The following MAK16 variants were observed in gnomAD, a reference collection of about 807,000 sequenced individuals.
MAK16 encodes the protein MAK16 homolog.
In MAK16, 12 loss-of-function variants were observed where a neutral mutation model predicts 49.9. That is an observed-to-expected ratio of 0.24 (90% CI 0.15 to 0.39). MAK16 has a LOEUF of 0.39. MAK16 is among the 10% of genes least tolerant of loss of function. MAK16 has a pLI of 1.00. For missense variants in MAK16, 292 were observed against 363.7 expected (o/e 0.80, Z 1.60); for synonymous variants, 115 against 126.4 (o/e 0.91, Z 0.60).
chr8:33,489,336 T>G lies in MAK16; in HGVS notation c.392+197T>G. 1 of 524,658 alleles carries G rather than the reference T, an allele frequency of 1.9e-6. No individual in the cohort carries two copies. The highest frequency in any genetic ancestry group is 1.9e-5 in the African/African-American group (1 of 51,438). 32.5% of individuals were successfully genotyped at this position (524,658 alleles called of 1,614,324 possible). A position where few individuals can be genotyped will look rare whatever the true frequency, so the allele number is the denominator to read the frequency against. ...ACTTTTAAAACAGTAGAATACAACT[T>G]GATTATCACCCTCCTTGTCTGAAAA... On this transcript the variant is annotated intron_variant, in intron 5 of 9. Coordinates refer to ENST00000360128, the MANE Select transcript of MAK16 (RefSeq NM_032509.4). This position sits in a 1 kb window ranked among gnomAD's most constrained non-coding sequence, Gnocchi z 4.2.
At chr8:33,493,648 CT>C (rs1394527085) in intron 6 of MAK16, among the ~76,000 whole-genome samples, 1 of 152,060 alleles carries the variant, frequency 6.6e-6, no homozygotes, top group Non-Finnish European at 1.5e-5. Flanking sequence ...TATGGAGCGG[CT>C]TTTTTTCAAG....
At position 33,499,668 on chromosome 8, in the gene MAK16, A is replaced by C; in HGVS notation, c.*1039A>C. On this transcript the variant is annotated 3_prime_UTR_variant, in exon 10 of 10. Transcript: ENST00000360128. ...ATCTCTACATATTTTTAGGATATGA[A>C]TTTTTTTTTCCTGCTGGGTAGATTG... 5.6e-6 allele frequency: 1 copy of C among 179,114 alleles called. No individual in the cohort carries two copies. The highest frequency in any genetic ancestry group is 1.1e-4 in the South Asian group (1 of 8,746). The allele number at this position is 179,114 out of a possible 1,614,324, so 11.1% of individuals were successfully genotyped here.
chr8:33,500,162 A>G lies in MAK16; in HGVS notation c.*1533A>G. The G allele has an allele frequency of 1.4e-6, 1 of 710,186 alleles. No homozygotes were observed. Among genetic ancestry groups the G allele is most frequent in the East Asian group, 2.8e-5 (1 of 35,998 alleles). The allele number at this position is 710,186 out of a possible 1,614,324, so 44.0% of individuals were successfully genotyped here. ...GAATAGCTTTAAAAGATGAATAAGA[A>G]AAAAGATCAAGCTCTTTTGAGGCTA... is the stretch of plus-strand genomic sequence containing the variant. On this transcript the variant is annotated 3_prime_UTR_variant, in exon 10 of 10. Coordinates refer to ENST00000360128, the MANE Select transcript of MAK16 (RefSeq NM_032509.4).
In MAK16 at chr8:33,492,539, T is replaced by C. The variant is rs538030862; in HGVS notation, c.447+2200T>C. ...CTTGTAGTTTTGTAGTTGGAGGTCTTAGTTTTTTAATCCATTTTGGTTTGA... is the reference window on the plus strand; with the variant it reads ...CTTGTAGTTTTGTAGTTGGAGGTCTCAGTTTTTTAATCCATTTTGGTTTGA... On this transcript the variant is annotated intron_variant, in intron 6 of 9. Coordinates refer to ENST00000360128, the MANE Select transcript of MAK16 (RefSeq NM_032509.4). Among the ~76,000 whole-genome samples the C allele has an allele frequency of 1.6e-4, 24 of 152,336 alleles. No individual in the cohort carries two copies. The South Asian group carries it at 4.3e-3, about 28-fold the overall frequency.
intron 8 of MAK16, among the ~76,000 whole-genome samples, 176 bp from the exon 9 acceptor site, chr8:33,497,056 T>C (rs1408910248): frequency 6.6e-6 from 1 of 152,180 alleles, no homozygotes; most frequent in Non-Finnish European, 1.5e-5. Context: ...AGAATAAGAA[T>C]GATCTGGTAG....
rs745665937 is a variant in MAK16, at chr8:33,498,785, A to C, written c.*156A>C. 2 of 674,854 alleles carry C rather than the reference A, an allele frequency of 3.0e-6. No homozygotes were observed. The allele number at this position is 674,854 out of a possible 1,614,324, so 41.8% of individuals were successfully genotyped here. On this transcript the variant is annotated 3_prime_UTR_variant, in exon 10 of 10. Coordinates refer to ENST00000360128, the MANE Select transcript of MAK16 (RefSeq NM_032509.4). ...TTATTTATGCCACGTCAGTGGGGCA[A>C]GAAATCTGGAGTGAGTGAAGAAAGC...
Position 33,496,696 on chromosome 8 carries a change from C to T in MAK16, c.594C>T (p.Asp198=), listed in dbSNP as rs1808863629. Residue 198 remains aspartate, a synonymous_variant, in exon 8 of 10, where the codon GAC becomes GAT. Transcript: ENST00000360128. ...TGGAACAACAGGAGGCAGAGAGTGA[C>T]TCTTCAGATACTGAGGAAAAAGATG... ...KALEQQEAES[D]SSDTEEKDDD... 1.9e-6 allele frequency: 3 copies of T among 1,613,152 alleles called. No individual in the cohort carries two copies. Among genetic ancestry groups the T allele is most frequent in the Non-Finnish European group, 2.5e-6 (3 of 1,179,676 alleles).
rs763664194 is a variant in MAK16 at position 33,498,425 on chromosome 8, G to A, written c.706-7G>A. 35 of 1,613,082 alleles carry A rather than the reference G, an allele frequency of 2.2e-5. No homozygotes were observed. The highest frequency in any genetic ancestry group is 1.6e-4 in the Middle Eastern group (1 of 6,068). On this transcript the variant is annotated splice_polypyrimidine_tract_variant and splice_region_variant and intron_variant, in intron 9 of 9. Transcript: ENST00000360128. ...CTCTTCCTTTATCTTTTCTCTCCCC[G>A]TAATAGGATATGGATAAACTGGATG...
In MAK16 at chr8:33,489,803, A is replaced by G. The variant is rs1808748927; in HGVS notation, c.393-482A>G. ...GATTCACTGAAAACTAATTTTTAAA[A>G]GTGATATGAAATCCCCAGAATTAAC... On this transcript the variant is annotated intron_variant, in intron 5 of 9. Transcript: ENST00000360128. The surrounding 1 kb of genome is among the most constrained non-coding windows in gnomAD (Gnocchi z 4.2). Among the ~76,000 whole-genome samples, 1 of 152,204 alleles carries G rather than the reference A, an allele frequency of 6.6e-6. No homozygotes were observed. The highest frequency in any genetic ancestry group is 2.1e-4 in the South Asian group (1 of 4,830).
chr8:33,493,258 A>G (rs1277903993), intron 6 of MAK16, among the ~76,000 whole-genome samples: 9 of 152,150 alleles, frequency 5.9e-5, no homozygotes, highest in Non-Finnish European at 1.5e-5. Flanking sequence ...GATTCAAGCA[A>G]TTCTTGTGCC....
intron 6 of MAK16, among the ~76,000 whole-genome samples, chr8:33,494,234 C>T (rs985312386): frequency 1.3e-5 from 2 of 152,032 alleles, no homozygotes; most frequent in African/African-American, 2.4e-5. Context: ...CCACTCTGCC[C>T]GGCTAATTTT....
intron 1 of MAK16, among the ~76,000 whole-genome samples, chr8:33,486,053 T>C (rs1259708831): frequency 2.0e-5 from 3 of 152,002 alleles, no homozygotes; most frequent in Non-Finnish European, 2.9e-5. Flanking sequence ...GTTGAAGATA[T>C]GAGAGAATGA....
chr8:33,491,728 G>T (rs1341720300), intron 6 of MAK16, among the ~76,000 whole-genome samples: 1 of 149,124 alleles, frequency 6.7e-6, no homozygotes, highest in Non-Finnish European at 1.5e-5. Context: ...CTGCTTCCTG[G>T]ATTCAAGTGA....
Position 33,488,452 on chromosome 8 carries a change from C to G in MAK16, c.65+25C>G, listed in dbSNP as rs1406223175. 3 of 1,613,928 alleles carry G rather than the reference C, an allele frequency of 1.9e-6. No homozygotes were observed. The East Asian group carries it at 6.7e-5, about 36-fold the overall frequency. ...GGTGAGTCTCAATTTACAACTTGGT[C>G]AAAGATTCCTTCAGTTGCCTCTTTG... On this transcript the variant is annotated intron_variant, in intron 2 of 9. Coordinates refer to ENST00000360128, the MANE Select transcript of MAK16 (RefSeq NM_032509.4).
At position 33,500,557 on chromosome 8, in the gene MAK16, A is replaced by C; in HGVS notation, c.*1928A>C. The C allele has an allele frequency of 6.3e-6, 10 of 1,574,964 alleles. No individual in the cohort carries two copies. Among genetic ancestry groups the C allele is most frequent in the Non-Finnish European group, 7.8e-6 (9 of 1,151,780 alleles). On this transcript the variant is annotated 3_prime_UTR_variant, in exon 10 of 10. Transcript: ENST00000360128. ...GATATTAAAATTGGAAGAGACTTCAAAGACTGTCAAGTGGAAAGCTATCAT... is the reference window on the plus strand; with the variant it reads ...GATATTAAAATTGGAAGAGACTTCACAGACTGTCAAGTGGAAAGCTATCAT...
At chr8:33,485,402 C>T in intron 1 of MAK16, 181 bp downstream of exon 1, 3 of 767,450 alleles carry the variant, frequency 3.9e-6, no homozygotes, top group Non-Finnish European at 6.5e-6. Context: ...GGTTTACTGC[C>T]CGCTGCCCCG....
rs935427488 is a variant in MAK16, at chr8:33,498,957, T to G, written c.*328T>G. 3.4e-6 allele frequency: 2 copies of G among 588,286 alleles called. No individual in the cohort carries two copies. Among genetic ancestry groups the G allele is most frequent in the Non-Finnish European group, 3.0e-6 (1 of 334,382 alleles). 36.4% of individuals were successfully genotyped at this position (588,286 alleles called of 1,614,324 possible). On this transcript the variant is annotated 3_prime_UTR_variant, in exon 10 of 10. Transcript: ENST00000360128. ...TTAAATGCTACATTACTTGGTGTCC[T>G]TTTTTCTCCCAAACTTTATTTAGAA... is the stretch of plus-strand genomic sequence containing the variant.
Position 33,498,626 on chromosome 8 carries a change from G to A in MAK16, c.900G>A (p.Thr300=), listed in dbSNP as rs150677983. 1.8e-5 allele frequency: 29 copies of A among 1,612,158 alleles called. No homozygotes were observed. Among genetic ancestry groups the A allele is most frequent in the Non-Finnish European group, 2.3e-5 (27 of 1,179,254 alleles). ...ETEPVAKAKT[T] is the part of the protein sequence containing the mutation. ...AGCCCGTGGCCAAAGCCAAAACCAC[G>A]TGATTTCCCTTTCAGCATTTATACC... The change falls in exon 10 of 10, where the codon ACG becomes ACA. Residue 300 remains threonine, a synonymous_variant. Coordinates refer to ENST00000360128, the MANE Select transcript of MAK16 (RefSeq NM_032509.4).
At chr8:33,490,975 A>G (rs1262117828) in intron 6 of MAK16, among the ~76,000 whole-genome samples, 3 of 152,242 alleles carry the variant, frequency 2.0e-5, no homozygotes, top group East Asian at 3.9e-4. Flanking sequence ...TCTACTCTGT[A>G]TATCCATGAG....
Sources: allele counts gnomAD v4.1 joint callset (sites outside exome capture counted in the v4.1 genomes callset), GRCh38; gene constraint gnomAD v4.1.1; non-coding constraint Gnocchi (gnomAD v3.1); transcripts MANE v1.5; gene names NCBI Gene and HGNC (gene_info 2026-07-23, HGNC 2026-07-21).